The following ARHGEF26 variants were observed in gnomAD, a reference collection of about 807,000 sequenced individuals.
The protein encoded by ARHGEF26 is Rho guanine nucleotide exchange factor 26, also known as Rho guanine nucleotide exchange factor (GEF) 26.
A neutral mutation model predicts 89.4 loss-of-function variants in ARHGEF26; 59 were observed. That is an observed-to-expected ratio of 0.66 (90% CI 0.54 to 0.82). The LOEUF (loss-of-function observed/expected upper bound fraction) is 0.82, where lower values mean the gene tolerates loss of function less well. Among genes scored for constraint, ARHGEF26 ranks in the 40% least tolerant of loss-of-function variants. ARHGEF26 has a pLI of 0.00. For missense variants in ARHGEF26, 1,234 were observed against 1,085.6 expected, an observed-to-expected ratio of 1.14 and a Z score of -1.92; for synonymous variants, 500 against 428.4, an observed-to-expected ratio of 1.17 and a Z score of -2.06.
chr3:154,222,922 A>G (rs1716227414), intron 10 of ARHGEF26, among the ~76,000 whole-genome samples: 1 of 152,186 alleles, frequency 6.6e-6, no homozygotes, highest in Non-Finnish European at 1.5e-5. Context: ...ATCCTCTGAG[A>G]TGGGAGGAAA....
At chr3:154,234,577 A>G (rs1716998150) in intron 11 of ARHGEF26, among the ~76,000 whole-genome samples, 1 of 152,130 alleles carries the variant, frequency 6.6e-6, no homozygotes, top group Admixed American at 6.5e-5. Context: ...AAATGTCCCA[A>G]TATTATTTAT....
intron 12 of ARHGEF26, among the ~76,000 whole-genome samples, chr3:154,250,062 C>T (rs773606621): frequency 6.6e-6 from 1 of 151,980 alleles, no homozygotes; most frequent in African/African-American, 2.4e-5. Context: ...CGGAGTTTTG[C>T]TCTTGTCGCC....
At chr3:154,254,550 C>A (rs1337198163) in intron 13 of ARHGEF26, among the ~76,000 whole-genome samples, 170 bp from the exon 14 acceptor site, 1 of 152,134 alleles carries the variant, frequency 6.6e-6, no homozygotes, top group African/African-American at 2.4e-5. Context: ...AAGCTTATAG[C>A]CAAGCAAGGG....
intron 6 of ARHGEF26, among the ~76,000 whole-genome samples, chr3:154,170,697 A>G (rs1712376286): frequency 6.6e-6 from 1 of 152,228 alleles, no homozygotes; most frequent in African/African-American, 2.4e-5. Context: ...CGAATCAGTC[A>G]GTCAGTCTAT....
At chr3:154,172,388 G>A (rs1356009096) in intron 6 of ARHGEF26, among the ~76,000 whole-genome samples, 3 of 152,022 alleles carry the variant, frequency 2.0e-5, no homozygotes, top group African/African-American at 7.3e-5. Context: ...TTTAAAGACA[G>A]GCCAGCCTAG....
intron 6 of ARHGEF26, among the ~76,000 whole-genome samples, chr3:154,174,599 A>G (rs1344455176): frequency 2.0e-5 from 3 of 152,230 alleles, no homozygotes; most frequent in Admixed American, 6.5e-5. Flanking sequence ...AAATACAATT[A>G]TATAACTTTC....
intron 1 of ARHGEF26, among the ~76,000 whole-genome samples, 181 bp from the exon 2 acceptor site, chr3:154,121,761 C>T (rs1218777724): frequency 1.3e-5 from 2 of 152,138 alleles, no homozygotes; most frequent in East Asian, 1.9e-4. Flanking sequence ...GGCGGCAGCC[C>T]AGATTTCTGC....
intron 4 of ARHGEF26, among the ~76,000 whole-genome samples, chr3:154,139,088 T>TG (rs780415558): frequency 1.1e-4 from 17 of 151,916 alleles, no homozygotes; most frequent in Non-Finnish European, 2.1e-4. Context: ...CGATAGCTGG[T>TG]GGGGCACAGT....
In ARHGEF26 at chr3:154,121,423, C is replaced by A. The variant is rs1201672960; in HGVS notation, c.-148C>A. On this transcript the variant is annotated 5_prime_UTR_variant, in exon 1 of 15. Coordinates refer to ENST00000465093, the MANE Select transcript of ARHGEF26 (RefSeq NM_015595.4). ...GCCGGCGCCGCGGTCGGCGGCAGCG[C>A]TCTCCTAAGCTCTCGCGGCTGCGCT... 1 of 152,200 alleles carries A rather than the reference C, an allele frequency of 6.6e-6. No individual in the cohort carries two copies. Among genetic ancestry groups the A allele is most frequent in the Non-Finnish European group, 1.5e-5 (1 of 68,084 alleles). The allele number at this position is 152,200 out of a possible 1,614,324, so 9.4% of individuals were successfully genotyped here.
In ARHGEF26 at chr3:154,122,190, C is replaced by A. The variant is rs771551653; in HGVS notation, c.198C>A (p.Ala66=). ...CGCTCCTCGCAGCGCAGATTCCCGCCCAGGTGCCCACCGCCTCGGACAGCA... is the reference window on the plus strand; with the variant it reads ...CGCTCCTCGCAGCGCAGATTCCCGCACAGGTGCCCACCGCCTCGGACAGCA... ...GGTLLAAQIP[A]QVPTASDSRT... Residue 66 remains alanine, a synonymous_variant, in exon 2 of 15, where the codon GCC becomes GCA. Coordinates refer to ENST00000465093, the MANE Select transcript of ARHGEF26 (RefSeq NM_015595.4). 6.2e-7 allele frequency: 1 copy of A among 1,601,676 alleles called. No homozygotes were observed. Among genetic ancestry groups the A allele is most frequent in the South Asian group, 1.1e-5 (1 of 89,290 alleles).
chr3:154,233,475 A>G (rs1320955083), intron 11 of ARHGEF26, among the ~76,000 whole-genome samples: 1 of 152,174 alleles, frequency 6.6e-6, no homozygotes, highest in African/African-American at 2.4e-5. Flanking sequence ...ACTTTTTCTC[A>G]TACATATATT....
At chr3:154,143,286 G>T (rs182503611) in intron 4 of ARHGEF26, among the ~76,000 whole-genome samples, 2 of 151,974 alleles carry the variant, frequency 1.3e-5, no homozygotes, top group South Asian at 2.1e-4. Context: ...TGTCTTTTAC[G>T]CAAAAATCAA....
chr3:154,182,239 A>C (rs571819394), intron 6 of ARHGEF26, among the ~76,000 whole-genome samples: 1 of 152,324 alleles, frequency 6.6e-6, no homozygotes, highest in East Asian at 1.9e-4. Context: ...TTATGAAGTC[A>C]TAGAACAAGA....
chr3:154,196,896 AAG>A (rs1248112962), intron 9 of ARHGEF26, among the ~76,000 whole-genome samples: 1 of 152,124 alleles, frequency 6.6e-6, no homozygotes, highest in African/African-American at 2.4e-5. Context: ...GAAAAAAAAA[AAG>A]AATTTGCACA....
intron 8 of ARHGEF26, among the ~76,000 whole-genome samples, chr3:154,193,527 G>T (rs947662538): frequency 6.9e-6 from 1 of 144,172 alleles, no homozygotes; most frequent in Non-Finnish European, 1.6e-5. Flanking sequence ...CCTGATGCCT[G>T]TTGCTCTAAT....
chr3:154,166,188 C>T (rs1712015550), intron 6 of ARHGEF26, among the ~76,000 whole-genome samples: 2 of 152,074 alleles, frequency 1.3e-5, no homozygotes, highest in Non-Finnish European at 1.5e-5. Context: ...CCTACTGGGA[C>T]TACAGGCACA....
At chr3:154,182,402 A>G (rs948455124) in intron 6 of ARHGEF26, among the ~76,000 whole-genome samples, 7 of 152,150 alleles carry the variant, frequency 4.6e-5, no homozygotes, top group African/African-American at 1.7e-4. Context: ...TTCACAGGGC[A>G]CCTGTAAACC....
chr3:154,237,719 A>G (rs1185516712), intron 11 of ARHGEF26, among the ~76,000 whole-genome samples: 1 of 152,208 alleles, frequency 6.6e-6, no homozygotes, highest in Non-Finnish European at 1.5e-5. Flanking sequence ...TTTATAGCAT[A>G]TTCATTTCTT....
At position 154,122,864 on chromosome 3, in the gene ARHGEF26, A is replaced by T; in HGVS notation, c.872A>T (p.His291Leu). The T allele has an allele frequency of 6.2e-7, 1 of 1,612,992 alleles. No individual in the cohort carries two copies. The highest frequency in any genetic ancestry group is 8.5e-7 in the Non-Finnish European group (1 of 1,179,484). Residue 291 changes from histidine to leucine, a missense_variant, in exon 2 of 15, where the codon CAC becomes CTC. By Grantham distance (99) the His-to-Leu change is moderately conservative (BLOSUM62 -3). Coordinates refer to ENST00000465093, the MANE Select transcript of ARHGEF26 (RefSeq NM_015595.4). ...GAGGGCCTAGGAGGACCCCTGGGTC[A>T]CGCAGGGGAGGAGAGTGAGGTCGAT... ...MVEGLGGPLG[H>L]AGEESEVDND...
Sources: allele counts gnomAD v4.1 joint callset (sites outside exome capture counted in the v4.1 genomes callset), GRCh38; gene constraint gnomAD v4.1.1; transcripts MANE v1.5; gene names NCBI Gene and HGNC (gene_info 2026-07-23, HGNC 2026-07-21).